The following OXR1 variants were observed in gnomAD, a reference collection of about 807,000 sequenced individuals.
The protein encoded by OXR1 is oxidation resistance 1, also known as oxidation resistance protein 1.
OXR1 carries 41 observed loss-of-function variants against 104.6 expected under a neutral mutation model. The observed-to-expected ratio is 0.39, with a 90% CI of 0.31 to 0.51. The LOEUF is 0.51. Ranked by LOEUF, OXR1 falls within the 20% of genes least tolerant of loss-of-function variation. OXR1 has a pLI of 0.77. For missense variants in OXR1, 955 were observed against 1,031.9 expected (o/e 0.93, Z 1.02); for synonymous variants, 348 against 348.4 (o/e 1.00, Z 0.01).
rs72678536 is a variant in OXR1, at chr8:106,348,833, C to T, written c.-138-10643C>T. On this transcript the variant is annotated intron_variant, in intron 1 of 16. Transcript: ENST00000517566. ...ACAAACACACTGAGCAGTAGTAATC[C>T]GAGGGAAGACAAGCCAGAAGATATA... is the stretch of plus-strand genomic sequence containing the variant. Among the ~76,000 whole-genome samples, 1,184 of 152,076 alleles carry T rather than the reference C, an allele frequency of 7.8e-3. 6 individuals are homozygous for T. The highest frequency in any genetic ancestry group is 0.016 in the South Asian group (75 of 4,816).
intron 3 of OXR1, among the ~76,000 whole-genome samples, chr8:106,563,778 TAACA>T (rs1816864579): frequency 1.3e-5 from 2 of 152,218 alleles, no homozygotes; most frequent in Admixed American, 6.5e-5. Flanking sequence ...ACAGAAATCA[TAACA>T]AACAGTCTCT....
intron 1 of OXR1, among the ~76,000 whole-genome samples, chr8:106,352,174 A>G (rs1214075071): frequency 6.6e-6 from 1 of 152,226 alleles, no homozygotes; most frequent in Non-Finnish European, 1.5e-5. Context: ...AGAGGTAGTG[A>G]GAATGGAGAA....
chr8:106,617,027 C>T (rs1294486003), intron 3 of OXR1, among the ~76,000 whole-genome samples: 1 of 152,160 alleles, frequency 6.6e-6, no homozygotes, highest in Non-Finnish European at 1.5e-5. Flanking sequence ...GGCAGTTTTC[C>T]ACCACAATCC....
At chr8:106,683,684 C>A (rs1006752920) in intron 5 of OXR1, among the ~76,000 whole-genome samples, 2 of 152,090 alleles carry the variant, frequency 1.3e-5, no homozygotes, top group Non-Finnish European at 2.9e-5. Flanking sequence ...AATAATCTAG[C>A]CTACTTTTGT....
chr8:106,523,968 G>T lies in OXR1; in HGVS notation c.220+4829G>T, dbSNP rs575230762. On this transcript the variant is annotated intron_variant, in intron 3 of 16. Transcript: ENST00000517566. ...TTTTTGTATTTTTTTAGTAGAGACGGGGTTTCACCAGGTTAGCCAGGATGA... is the reference window on the plus strand; with the variant it reads ...TTTTTGTATTTTTTTAGTAGAGACGTGGTTTCACCAGGTTAGCCAGGATGA... 5.8e-4 allele frequency among the ~76,000 whole-genome samples: 88 copies of T among 152,034 alleles called. 1 individual carries two copies. Among genetic ancestry groups the T allele is most frequent in the Middle Eastern group, 6.8e-3 (2 of 292 alleles).
intron 2 of OXR1, among the ~76,000 whole-genome samples, chr8:106,464,492 A>G (rs554623149): frequency 3.3e-5 from 5 of 152,126 alleles, no homozygotes; most frequent in African/African-American, 1.2e-4. Flanking sequence ...TAAAGAAGAA[A>G]CTATTCATTT....
chr8:106,342,677 G>T (rs908385431), intron 1 of OXR1, among the ~76,000 whole-genome samples: 2 of 152,000 alleles, frequency 1.3e-5, no homozygotes, highest in Admixed American at 1.3e-4. Context: ...ATACCAGTTT[G>T]CATCTGAGAG....
intron 3 of OXR1, among the ~76,000 whole-genome samples, chr8:106,596,881 C>T (rs1056013456): frequency 9.9e-5 from 15 of 151,780 alleles, no homozygotes; most frequent in Non-Finnish European, 1.8e-4. Context: ...GGTGAAACCC[C>T]GTCTCTACTA....
chr8:106,686,463 G>C (rs1389704340), intron 6 of OXR1, among the ~76,000 whole-genome samples: 2 of 151,704 alleles, frequency 1.3e-5, no homozygotes, highest in African/African-American at 2.4e-5. Flanking sequence ...TCATTACCAG[G>C]CTCCAGGATA....
intron 2 of OXR1, among the ~76,000 whole-genome samples, chr8:106,388,121 A>T (rs1202837590): frequency 2.6e-5 from 4 of 152,234 alleles, no homozygotes; most frequent in African/African-American, 9.6e-5. Context: ...GAAATTGCAA[A>T]GGGAAGGAAA....
At chr8:106,361,995 T>C (rs912846107) in intron 2 of OXR1, among the ~76,000 whole-genome samples, 1 of 152,162 alleles carries the variant, frequency 6.6e-6, no homozygotes, top group East Asian at 1.9e-4. Flanking sequence ...ATGCTTCCAG[T>C]GTTCAAAGGA....
chr8:106,745,915 A>T, intron 16 of OXR1, 53 bp downstream of exon 16: 3 of 910,886 alleles, frequency 3.3e-6, no homozygotes, highest in Non-Finnish European at 3.6e-6. Flanking sequence ...TTAAAAATGC[A>T]TTTGGATTAT....
intron 7 of OXR1, among the ~76,000 whole-genome samples, chr8:106,697,084 G>T (rs561878492): frequency 2.6e-5 from 4 of 152,330 alleles, no homozygotes; most frequent in South Asian, 2.1e-4. Context: ...TGAACGGAGG[G>T]CACAGAGCTC....
chr8:106,405,467 A>C (rs1240482367), intron 2 of OXR1, among the ~76,000 whole-genome samples: 1 of 152,084 alleles, frequency 6.6e-6, no homozygotes, highest in Non-Finnish European at 1.5e-5. Context: ...CAAGAAATGA[A>C]GTCTGATTCC....
At chr8:106,613,268 C>T (rs187359232) in intron 3 of OXR1, among the ~76,000 whole-genome samples, 12 of 152,270 alleles carry the variant, frequency 7.9e-5, no homozygotes, top group East Asian at 3.9e-4. Context: ...TGCTCTCAAA[C>T]GTATAGTTGC....
At chr8:106,408,303 T>G (rs928973565) in intron 2 of OXR1, among the ~76,000 whole-genome samples, 2 of 152,098 alleles carry the variant, frequency 1.3e-5, no homozygotes. Context: ...TTCAAAGGTG[T>G]GTTTTTTTTT....
At chr8:106,717,187 A>G (rs1832350283) in intron 11 of OXR1, among the ~76,000 whole-genome samples, 2 of 152,134 alleles carry the variant, frequency 1.3e-5, no homozygotes, top group African/African-American at 4.8e-5. Context: ...CTCCATCTCA[A>G]AAAAAATAAA....
intron 3 of OXR1, among the ~76,000 whole-genome samples, chr8:106,640,253 AAT>A (rs963596113): frequency 3.3e-5 from 5 of 151,366 alleles, no homozygotes; most frequent in Non-Finnish European, 5.9e-5. Context: ...AACCAATGCA[AAT>A]ATATATATAT....
intron 2 of OXR1, among the ~76,000 whole-genome samples, chr8:106,500,126 G>T (rs1384673270): frequency 1.3e-5 from 2 of 151,998 alleles, no homozygotes; most frequent in Non-Finnish European, 2.9e-5. Flanking sequence ...AATTACCAAA[G>T]AAATAAAATA....
Sources: gnomAD v4.1 joint callset for allele counts (sites outside exome capture counted in the v4.1 genomes callset) on GRCh38, gnomAD v4.1.1 for gene constraint, MANE v1.5 for transcripts, NCBI Gene and HGNC (gene_info 2026-07-23, HGNC 2026-07-21) for gene names.